Variants in NXPH1 observed in about 807,000 individuals in gnomAD.
The protein encoded by NXPH1 is neurexophilin 1.
NXPH1 carries 5 observed loss-of-function variants against 23.7 expected under a neutral mutation model. The observed-to-expected ratio is 0.21, with a 90% CI of 0.11 to 0.44. NXPH1 has a LOEUF of 0.44. Among genes scored for constraint, NXPH1 ranks in the 20% least tolerant of loss-of-function variants. The pLI, the probability that NXPH1 is intolerant of heterozygous loss-of-function variation, is 0.99. For missense variants in NXPH1, 324 were observed against 321.6 expected, an observed-to-expected ratio of 1.01 and a Z score of -0.06; for synonymous variants, 144 against 122.2, an observed-to-expected ratio of 1.18 and a Z score of -1.18.
chr7:8,662,222 C>T (rs1329249277), intron 2 of NXPH1, among the ~76,000 whole-genome samples: 1 of 151,248 alleles, frequency 6.6e-6, no homozygotes, highest in Non-Finnish European at 1.5e-5. Flanking sequence ...ACATGTATCT[C>T]AAGAAGAGAT....
chr7:8,535,364 A>G (rs1468025236), intron 2 of NXPH1, among the ~76,000 whole-genome samples: 1 of 152,118 alleles, frequency 6.6e-6, no homozygotes, highest in Non-Finnish European at 1.5e-5. Flanking sequence ...ATTTGTTAAA[A>G]GAATGTTCCA....
chr7:8,703,590 A>G (rs961642395), intron 2 of NXPH1, among the ~76,000 whole-genome samples: 3 of 152,076 alleles, frequency 2.0e-5, no homozygotes, highest in African/African-American at 7.2e-5. Context: ...CGCTCAATTA[A>G]ATTATTATCT....
chr7:8,598,576 T>C (rs970053804), intron 2 of NXPH1, among the ~76,000 whole-genome samples: 9 of 152,164 alleles, frequency 5.9e-5, no homozygotes, highest in Non-Finnish European at 1.0e-4. Context: ...TCTTTTTCCA[T>C]TTTAATGTTG....
chr7:8,527,691 GA>G (rs1421822281), intron 2 of NXPH1, among the ~76,000 whole-genome samples: 7 of 152,302 alleles, frequency 4.6e-5, no homozygotes, highest in Middle Eastern at 3.4e-3. Context: ...TGAACTTGTT[GA>G]AATTAGCTGA....
intron 2 of NXPH1, among the ~76,000 whole-genome samples, chr7:8,451,206 T>C (rs1816501662): frequency 6.6e-6 from 1 of 151,552 alleles, no homozygotes; most frequent in Non-Finnish European, 1.5e-5. Flanking sequence ...GATAACAGAG[T>C]GCAGCCAACA....
At chr7:8,521,302 A>G (rs962939979) in intron 2 of NXPH1, among the ~76,000 whole-genome samples, 2 of 152,168 alleles carry the variant, frequency 1.3e-5, no homozygotes, top group African/African-American at 4.8e-5. Flanking sequence ...ACTCACTGTG[A>G]TAGAGAGTGC....
chr7:8,502,600 A>G (rs1817454717), intron 2 of NXPH1, among the ~76,000 whole-genome samples: 1 of 151,834 alleles, frequency 6.6e-6, no homozygotes, highest in Non-Finnish European at 1.5e-5. Flanking sequence ...TTGGCTAGTA[A>G]GAAGTAAAGA....
intron 2 of NXPH1, among the ~76,000 whole-genome samples, chr7:8,525,346 G>A (rs1028930748): frequency 2.6e-5 from 4 of 152,282 alleles, no homozygotes; most frequent in Non-Finnish European, 4.4e-5. Flanking sequence ...TGCTATTAAA[G>A]GCATTCAGTT....
chr7:8,615,827 C>T (rs1446751321), intron 2 of NXPH1, among the ~76,000 whole-genome samples: 8 of 151,960 alleles, frequency 5.3e-5, no homozygotes, highest in Non-Finnish European at 1.2e-4. Flanking sequence ...ATGACAAGTG[C>T]TACATAAATG....
intron 2 of NXPH1, among the ~76,000 whole-genome samples, chr7:8,511,146 AT>A (rs1379654553): frequency 6.6e-6 from 1 of 152,170 alleles, no homozygotes; most frequent in East Asian, 1.9e-4. Flanking sequence ...TTCTAAAAAA[AT>A]TAATGCATTA....
intron 2 of NXPH1, among the ~76,000 whole-genome samples, chr7:8,583,051 TG>T (rs1818911618): frequency 6.6e-6 from 1 of 152,026 alleles, no homozygotes; most frequent in Admixed American, 6.5e-5. Flanking sequence ...ACCCTGAGTG[TG>T]CATACACTTG....
intron 2 of NXPH1, among the ~76,000 whole-genome samples, chr7:8,438,532 A>T (rs957790481): frequency 6.6e-6 from 1 of 152,210 alleles, no homozygotes; most frequent in Non-Finnish European, 1.5e-5. Flanking sequence ...CTCTTAGCTG[A>T]TATCTCAGTG....
chr7:8,621,465 G>A (rs1333227396), intron 2 of NXPH1, among the ~76,000 whole-genome samples: 1 of 151,382 alleles, frequency 6.6e-6, no homozygotes, highest in Non-Finnish European at 1.5e-5. Context: ...GATTGGTATT[G>A]AGAAACAATA....
intron 2 of NXPH1, among the ~76,000 whole-genome samples, chr7:8,515,625 C>G (rs2128614718): frequency 6.6e-6 from 1 of 152,226 alleles, no homozygotes; most frequent in East Asian, 1.9e-4. Flanking sequence ...TAACACAACT[C>G]ATGAATTCCA....
intron 2 of NXPH1, among the ~76,000 whole-genome samples, chr7:8,607,664 T>G (rs1326670734): frequency 6.6e-6 from 1 of 152,190 alleles, no homozygotes; most frequent in Non-Finnish European, 1.5e-5. Flanking sequence ...GGTTTTCACA[T>G]TGAACTGTGG....
intron 2 of NXPH1, among the ~76,000 whole-genome samples, chr7:8,704,559 C>A (rs1367063741): frequency 6.6e-6 from 1 of 152,076 alleles, no homozygotes; most frequent in Non-Finnish European, 1.5e-5. Flanking sequence ...TTCTGGAATT[C>A]TACAGGGGCA....
chr7:8,464,104 T>G (rs12056067), intron 2 of NXPH1, among the ~76,000 whole-genome samples: 62,115 of 151,926 alleles, frequency 0.41, 13,121 homozygotes, highest in East Asian at 0.63. Flanking sequence ...CAGTGCTCTT[T>G]GTCCTTCACT....
intron 2 of NXPH1, among the ~76,000 whole-genome samples, chr7:8,663,848 C>T (rs1447615155): frequency 6.6e-6 from 1 of 152,044 alleles, no homozygotes; most frequent in Non-Finnish European, 1.5e-5. Context: ...AAGATCTGGT[C>T]ATCAGGGTCT....
chr7:8,698,588 C>T (rs1401863722), intron 2 of NXPH1, among the ~76,000 whole-genome samples: 1 of 150,644 alleles, frequency 6.6e-6, no homozygotes, highest in African/African-American at 2.4e-5. Flanking sequence ...TATTGAAAGA[C>T]ATCTTATGGG....
Sources: gnomAD v4.1 joint callset for allele counts (sites outside exome capture counted in the v4.1 genomes callset) on GRCh38, gnomAD v4.1.1 for gene constraint, MANE v1.5 for transcripts, NCBI Gene and HGNC (gene_info 2026-07-23, HGNC 2026-07-21) for gene names.